Variants in BCHE observed in about 807,000 individuals in gnomAD.
BCHE encodes the protein butyrylcholinesterase.
In BCHE, 48 loss-of-function variants were observed where a neutral mutation model predicts 51.3. The ratio of observed to expected loss-of-function variants is 0.94; its 90% CI spans 0.74 to 1.19. The LOEUF is 1.19. Ranked by LOEUF, BCHE falls within the 50% of genes most tolerant of loss-of-function variation. BCHE has a pLI of 0.00. For synonymous variants in BCHE, 251 were observed against 238.0 expected, an observed-to-expected ratio of 1.05 and a Z score of -0.50; for missense variants, 847 against 708.2, an observed-to-expected ratio of 1.20 and a Z score of -2.23.
At chr3:165,803,021 G>A (rs1047124560) in intron 2 of BCHE, among the ~76,000 whole-genome samples, 1 of 152,150 alleles carries the variant, frequency 6.6e-6, no homozygotes, top group African/African-American at 2.4e-5. Flanking sequence ...TTACAGGCGT[G>A]AGCCACCGCT....
At chr3:165,814,667 G>C (rs901821521) in intron 2 of BCHE, among the ~76,000 whole-genome samples, 3 of 151,904 alleles carry the variant, frequency 2.0e-5, no homozygotes, top group African/African-American at 4.8e-5. Context: ...TGGGCCCTTT[G>C]CTGAACTTCT....
chr3:165,831,807 C>T (rs1026511243), intron 1 of BCHE, among the ~76,000 whole-genome samples: 46 of 152,162 alleles, frequency 3.0e-4, no homozygotes, highest in African/African-American at 1.1e-3. Flanking sequence ...ACATGAGGGA[C>T]TCTTTACCAG....
intron 2 of BCHE, among the ~76,000 whole-genome samples, chr3:165,799,472 T>C (rs1713556501): frequency 6.6e-6 from 1 of 152,126 alleles, no homozygotes; most frequent in Admixed American, 6.5e-5. Flanking sequence ...ATTTTAAATA[T>C]ATCTATGTGT....
At position 165,773,444 on chromosome 3, in the gene BCHE, T is replaced by C. The variant is rs1412187527; in HGVS notation, c.1747A>G (p.Met583Val). The C allele has an allele frequency of 2.5e-6, 4 of 1,609,776 alleles. No homozygotes were observed. The highest frequency in any genetic ancestry group is 3.4e-6 in the Non-Finnish European group (4 of 1,176,490). Reference protein sequence around the residue: ...AGFHRWNNYMMDWKNQFNDYT... With the variant: ...AGFHRWNNYMVDWKNQFNDYT... ...TCGTTAAATTGATTTTTCCAGTCCATCATGTAATTGTTCCAGCGATGGAAT... is the reference window on the plus strand; with the variant it reads ...TCGTTAAATTGATTTTTCCAGTCCACCATGTAATTGTTCCAGCGATGGAAT... The change falls in exon 4 of 4, where the codon ATG becomes GTG. Residue 583 changes from methionine to valine, a missense_variant. Physicochemically the swap from Met to Val is conservative, Grantham distance 21. Transcript: ENST00000264381.
chr3:165,835,530 A>T (rs4680664), intron 1 of BCHE, among the ~76,000 whole-genome samples: 1 of 151,746 alleles, frequency 6.6e-6, no homozygotes, highest in South Asian at 2.1e-4. Context: ...TAATATTAAT[A>T]TGATCTAGAA....
intron 2 of BCHE, among the ~76,000 whole-genome samples, chr3:165,825,285 A>G (rs2108231278): frequency 6.6e-6 from 1 of 152,124 alleles, no homozygotes; most frequent in East Asian, 1.9e-4. Flanking sequence ...GAATATTTAT[A>G]TGGGAAATAA....
At chr3:165,809,437 C>T in intron 2 of BCHE, among the ~76,000 whole-genome samples, 1 of 152,094 alleles carries the variant, frequency 6.6e-6, no homozygotes, top group African/African-American at 2.4e-5. Context: ...GTAAAACTTA[C>T]TTATTGTATA....
chr3:165,815,883 AG>A (rs1239913109), intron 2 of BCHE, among the ~76,000 whole-genome samples: 8 of 151,962 alleles, frequency 5.3e-5, no homozygotes, highest in African/African-American at 1.9e-4. Context: ...TACTTATACC[AG>A]GTTGCTTATG....
At chr3:165,793,865 G>A (rs1018353791) in intron 2 of BCHE, among the ~76,000 whole-genome samples, 2 of 152,020 alleles carry the variant, frequency 1.3e-5, no homozygotes, top group African/African-American at 2.4e-5. Flanking sequence ...TACCTATATG[G>A]TGAAACCCCG....
intron 1 of BCHE, among the ~76,000 whole-genome samples, chr3:165,836,801 CT>C (rs1268067725): frequency 1.4e-4 from 21 of 152,148 alleles, no homozygotes; most frequent in Admixed American, 8.5e-4. Flanking sequence ...AAACAGACCT[CT>C]CATTTGCCAG....
At chr3:165,820,529 T>G (rs1284688785) in intron 2 of BCHE, among the ~76,000 whole-genome samples, 1 of 152,016 alleles carries the variant, frequency 6.6e-6, no homozygotes, top group Non-Finnish European at 1.5e-5. Context: ...AACAATAAAA[T>G]AAATCCAAGG....
chr3:165,790,723 C>G (rs1228674491), intron 2 of BCHE, among the ~76,000 whole-genome samples: 1 of 152,002 alleles, frequency 6.6e-6, no homozygotes, highest in East Asian at 1.9e-4. Context: ...GAAGTGAAGA[C>G]TTGAGGAGAG....
intron 2 of BCHE, among the ~76,000 whole-genome samples, chr3:165,806,446 T>C (rs1475799090): frequency 6.6e-6 from 1 of 152,196 alleles, no homozygotes; most frequent in Non-Finnish European, 1.5e-5. Flanking sequence ...GTAAATTGCT[T>C]ATTTGCTGTT....
At chr3:165,808,700 G>A (rs972070872) in intron 2 of BCHE, among the ~76,000 whole-genome samples, 3 of 151,992 alleles carry the variant, frequency 2.0e-5, no homozygotes, top group African/African-American at 4.8e-5. Context: ...GGGTGGTTGA[G>A]GCTGAAGTGA....
chr3:165,806,507 T>G (rs936387640), intron 2 of BCHE, among the ~76,000 whole-genome samples: 2 of 152,166 alleles, frequency 1.3e-5, no homozygotes, highest in Admixed American at 6.5e-5. Context: ...TGCATTTTAC[T>G]CTACGATATA....
At chr3:165,778,523 T>C in intron 3 of BCHE, 1 of 252,622 alleles carries the variant, frequency 4.0e-6, no homozygotes, top group Non-Finnish European at 8.8e-6. Flanking sequence ...TTTAGCATGA[T>C]GCACAAGACA....
At chr3:165,783,139 G>A (rs1297323881) in intron 3 of BCHE, among the ~76,000 whole-genome samples, 2 of 152,062 alleles carry the variant, frequency 1.3e-5, no homozygotes, top group Non-Finnish European at 2.9e-5. Context: ...ATGTATTTGA[G>A]TGTTCACTGA....
Position 165,773,195 on chromosome 3 carries a change from T to G in BCHE, c.*187A>C. ...ATATTGTGAAATTTAATTAAACACG[T>G]TCTAGCCATTTGGGTTTTGAAATGC... On this transcript the variant is annotated 3_prime_UTR_variant, in exon 4 of 4. Transcript: ENST00000264381. The G allele has an allele frequency of 1.8e-6, 1 of 544,276 alleles. No homozygotes were observed. The highest frequency in any genetic ancestry group is 3.4e-5 in the Admixed American group (1 of 29,088). 33.7% of individuals were successfully genotyped at this position (544,276 alleles called of 1,614,324 possible). A position where few individuals can be genotyped will look rare whatever the true frequency, so the allele number is the denominator to read the frequency against.
chr3:165,819,873 G>A (rs1714447744), intron 2 of BCHE, among the ~76,000 whole-genome samples: 2 of 152,034 alleles, frequency 1.3e-5, no homozygotes, highest in Non-Finnish European at 2.9e-5. Flanking sequence ...TTTCTGACAG[G>A]TCTTTTGAAG....
Sources: allele counts gnomAD v4.1 joint callset (sites outside exome capture counted in the v4.1 genomes callset), GRCh38; gene constraint gnomAD v4.1.1; transcripts MANE v1.5; gene names NCBI Gene and HGNC (gene_info 2026-07-23, HGNC 2026-07-21).